The following ZSWIM9 variants were observed in gnomAD, a reference collection of about 807,000 sequenced individuals.
The protein encoded by ZSWIM9 is zinc finger SWIM-type containing 9, also known as uncharacterized protein ZSWIM9.
Under a neutral mutation model 25.0 loss-of-function variants are expected in ZSWIM9, and 11 were observed. The observed-to-expected ratio is 0.44, with a 90% CI of 0.28 to 0.73. The LOEUF is 0.73. ZSWIM9 is among the 30% of genes least tolerant of loss of function. ZSWIM9 has a pLI of 0.16. For missense variants in ZSWIM9, 1,070 were observed against 1,296.5 expected (o/e 0.83, Z 2.68); for synonymous variants, 562 against 582.1 (o/e 0.97, Z 0.50).
At position 48,182,620 on chromosome 19, in the gene ZSWIM9, G is replaced by A. The variant is rs16981771; in HGVS notation, c.441G>A (p.Pro147=). 201,084 of 1,535,666 alleles carry A rather than the reference G, an allele frequency of 0.13. 14,700 individuals carry two copies. Among genetic ancestry groups the A allele is most frequent in the African/African-American group, 0.31 (22,913 of 73,064 alleles). ...PGHLLANACL[P]VRTTNKISKQ... ...ACCTGCTGGCCAACGCCTGCCTGCC[G>A]GTGCGCACCACCAACAAGATCTCCA... Residue 147 remains proline (P), a synonymous_variant, in exon 3 of 4, where the codon CCG becomes CCA. Coordinates refer to ENST00000614654, the MANE Select transcript of ZSWIM9 (RefSeq NM_199341.4). The surrounding 1 kb of genome is among the most constrained non-coding windows in gnomAD (Gnocchi z 4.6).
intron 3 of ZSWIM9, among the ~76,000 whole-genome samples, chr19:48,191,541 G>A (rs1438932647): frequency 3.3e-5 from 5 of 151,998 alleles, no homozygotes; most frequent in African/African-American, 9.7e-5. Flanking sequence ...TTTTTCTTTG[G>A]GGCAGTCTGG....
Position 48,196,628 on chromosome 19 carries a change from G to A in ZSWIM9, c.2564G>A (p.Trp855Ter). The part of the protein sequence containing the change: ...ARQHGTRGFH[W>*]TGAGFALKDG... ...CAGCATGGGACCCGGGGTTTCCACTGGACCGGAGCTGGCTTTGCCCTTAAG... is the reference window on the plus strand; with the variant it reads ...CAGCATGGGACCCGGGGTTTCCACTAGACCGGAGCTGGCTTTGCCCTTAAG... Residue 855 changes from tryptophan (W) to a stop codon, truncating the protein, a stop_gained, in exon 4 of 4, where the codon TGG becomes TAG. Coordinates refer to ENST00000614654, the MANE Select transcript of ZSWIM9 (RefSeq NM_199341.4). LOFTEE classifies it high-confidence loss of function. The A allele has an allele frequency of 8.1e-7, 1 of 1,232,580 alleles. No homozygotes were observed. The highest frequency in any genetic ancestry group is 3.2e-5 in the East Asian group (1 of 31,712). The allele number at this position is 1,232,580 out of a possible 1,614,324, so 76.4% of individuals were successfully genotyped here. A position where few individuals can be genotyped will look rare whatever the true frequency, so the allele number is the denominator to read the frequency against.
rs930419837 is a variant in ZSWIM9 at position 48,196,029 on chromosome 19, G to A, written c.1965G>A (p.Gly655=). 1.7e-5 allele frequency: 22 copies of A among 1,267,610 alleles called. No individual in the cohort carries two copies. Among genetic ancestry groups the A allele is most frequent in the South Asian group, 1.6e-4 (5 of 31,770 alleles). The allele number at this position is 1,267,610 out of a possible 1,614,324, so 78.5% of individuals were successfully genotyped here. Residue 655 remains glycine (G), a synonymous_variant, in exon 4 of 4, where the codon GGG becomes GGA. Coordinates refer to ENST00000614654, the MANE Select transcript of ZSWIM9 (RefSeq NM_199341.4). Reference sequence around the variant, plus strand: ...GGCCACAGTCAGAAGTAGAGAAGGGGAGGGGGCTGGAGGTCAGAAACTTGA... The same window carrying A: ...GGCCACAGTCAGAAGTAGAGAAGGGAAGGGGGCTGGAGGTCAGAAACTTGA... ...WKGPQSEVEK[G]RGLEVRNLRG...
At chr19:48,174,208 C>G (rs1235822765) in intron 2 of ZSWIM9, among the ~76,000 whole-genome samples, 1 of 151,992 alleles carries the variant, frequency 6.6e-6, no homozygotes, top group Non-Finnish European at 1.5e-5. Context: ...AACACAGGCT[C>G]TGCCTTTAGG....
At chr19:48,185,165 G>C (rs1361407523) in intron 3 of ZSWIM9, among the ~76,000 whole-genome samples, 2 of 143,244 alleles carry the variant, frequency 1.4e-5, no homozygotes, top group Non-Finnish European at 3.0e-5. Context: ...TTGAGACGGA[G>C]TTTCGCTCTT....
chr19:48,195,590 A>C lies in ZSWIM9; in HGVS notation c.1526A>C (p.Gln509Pro). The change falls in exon 4 of 4, where the codon CAG becomes CCG. Residue 509 changes from glutamine to proline, a missense_variant. This residue lies in a region of ZSWIM9 where 583 missense variants were observed against 624.7 expected (regional missense o/e 0.93). Transcript: ENST00000614654. The surrounding 1 kb of genome is among the most constrained non-coding windows in gnomAD (Gnocchi z 5.8). The part of the protein sequence containing the change: ...ALETRDWGGA[Q>P]FEGEKGRALQ... The stretch of plus-strand genomic sequence containing the variant: ...GAAACCAGAGACTGGGGCGGGGCTC[A>C]GTTCGAAGGTGAGAAGGGGAGGGCA... 7.1e-7 allele frequency: 1 copy of C among 1,416,816 alleles called. No individual in the cohort carries two copies. The highest frequency in any genetic ancestry group is 2.7e-5 in the East Asian group (1 of 36,828). The allele number at this position is 1,416,816 out of a possible 1,614,324, so 87.8% of individuals were successfully genotyped here.
At chr19:48,172,128 G>T (rs1228691486) in intron 2 of ZSWIM9, 51 bp downstream of exon 2, 24 of 1,350,738 alleles carry the variant, frequency 1.8e-5, no homozygotes, top group Non-Finnish European at 2.3e-5. Context: ...AGCACCGGGG[G>T]TGGGTGTGGG....
At position 48,194,237 on chromosome 19, in the gene ZSWIM9, G is replaced by T. The variant is rs146039615; in HGVS notation, c.589-416G>T. On this transcript the variant is annotated intron_variant, in intron 3 of 3. Transcript: ENST00000614654. This position sits in a 1 kb window ranked among gnomAD's most constrained non-coding sequence, Gnocchi z 6.0. Reference sequence around the variant, plus strand: ...TTTCAGACTCAGTGGGTCTGAGGTGGCCCCGAGAAGGTGCATTTCTGTCCA... The same window carrying T: ...TTTCAGACTCAGTGGGTCTGAGGTGTCCCCGAGAAGGTGCATTTCTGTCCA... 3.6e-3 allele frequency among the ~76,000 whole-genome samples: 547 copies of T among 152,248 alleles called. 5 individuals are homozygous for T. Among genetic ancestry groups the T allele is most frequent in the African/African-American group, 0.012 (499 of 41,538 alleles).
chr19:48,183,439 A>C (rs979356286), intron 3 of ZSWIM9, among the ~76,000 whole-genome samples: 4 of 150,528 alleles, frequency 2.7e-5, no homozygotes, highest in African/African-American at 9.8e-5. Flanking sequence ...AATTTATTCT[A>C]ATTAATTGAA....
intron 2 of ZSWIM9, among the ~76,000 whole-genome samples, chr19:48,173,745 T>A (rs1018871652): frequency 1.3e-5 from 2 of 152,130 alleles, no homozygotes; most frequent in Admixed American, 6.5e-5. Context: ...CAAGCAATTC[T>A]CCTGCCTTAG....
intron 2 of ZSWIM9, among the ~76,000 whole-genome samples, chr19:48,175,870 G>A (rs769164192): frequency 3.1e-4 from 47 of 152,100 alleles, no homozygotes; most frequent in Non-Finnish European, 6.2e-4. Context: ...AATACACACC[G>A]GCCGTTGAAA....
intron 2 of ZSWIM9, among the ~76,000 whole-genome samples, chr19:48,178,370 C>T (rs539484953): frequency 1.3e-5 from 2 of 152,146 alleles, no homozygotes; most frequent in African/African-American, 4.8e-5. Context: ...TGGATTTAAG[C>T]ATTTCTCTGG....
intron 3 of ZSWIM9, among the ~76,000 whole-genome samples, chr19:48,187,968 ATAGATAG>A (rs2037051324): frequency 6.6e-6 from 1 of 151,414 alleles, no homozygotes; most frequent in African/African-American, 2.4e-5. Context: ...AGATAGATAG[ATAGATAG>A]ATAGATAGAT....
chr19:48,171,384 A>C, intron 1 of ZSWIM9: 1 of 985,312 alleles, frequency 1.0e-6, no homozygotes, highest in African/African-American at 1.7e-5. Context: ...GAGAGTTAGA[A>C]GTTACTCTTG....
chr19:48,171,431 C>T, intron 1 of ZSWIM9: 3 of 975,402 alleles, frequency 3.1e-6, no homozygotes, highest in Non-Finnish European at 3.7e-6. Context: ...GAGGTTTTAG[C>T]TGGAATTTGA....
chr19:48,186,146 C>T (rs2037008120), intron 3 of ZSWIM9, among the ~76,000 whole-genome samples: 8 of 152,164 alleles, frequency 5.3e-5, no homozygotes. Flanking sequence ...TAGCTAGTGG[C>T]TTCTGGATTG....
intron 2 of ZSWIM9, among the ~76,000 whole-genome samples, chr19:48,179,807 A>T (rs1467133127): frequency 2.0e-5 from 3 of 152,234 alleles, no homozygotes; most frequent in Non-Finnish European, 4.4e-5. Flanking sequence ...CAATTGATGT[A>T]ACAAACTACC....
rs765015255 is a variant in ZSWIM9 at position 48,171,832 on chromosome 19, G to T, written c.30G>T (p.Thr10=). 2 of 1,533,960 alleles carry T rather than the reference G, an allele frequency of 1.3e-6. No homozygotes were observed. The highest frequency in any genetic ancestry group is 1.4e-5 in the African/African-American group (1 of 73,082). Residue 10 remains threonine (T), a synonymous_variant, in exon 2 of 4, where the codon ACG becomes ACT. Coordinates refer to ENST00000614654, the MANE Select transcript of ZSWIM9 (RefSeq NM_199341.4). ...AGCGGCCGGAGCCCCCACCCGGCAC[G>T]GCTGCGGGGCAGGAGGAGCAGGAGC... MERPEPPPG[T]AAGQEEQELR... is the part of the protein sequence containing the mutation.
chr19:48,195,261 C>T lies in ZSWIM9; in HGVS notation c.1197C>T (p.Asp399=). The change falls in exon 4 of 4, where the codon GAC becomes GAT. Residue 399 remains aspartate (D), a synonymous_variant. Transcript: ENST00000614654. The surrounding 1 kb of genome is among the most constrained non-coding windows in gnomAD (Gnocchi z 5.8). The stretch of plus-strand genomic sequence containing the variant: ...TCCGCGCCTTCGAGGCGGCCAGAGA[C>T]CTGGACGCGTGTGCCCTGGTGCGAG... ...VRFRAFEAAR[D]LDACALVRGH... is the part of the protein sequence containing the mutation. 6.5e-7 allele frequency: 1 copy of T among 1,529,990 alleles called. No individual in the cohort carries two copies. Among genetic ancestry groups the T allele is most frequent in the South Asian group, 1.2e-5 (1 of 83,932 alleles). The allele number at this position is 1,529,990 out of a possible 1,614,324, so 94.8% of individuals were successfully genotyped here.
Sources: allele counts gnomAD v4.1 joint callset (sites outside exome capture counted in the v4.1 genomes callset), GRCh38; gene constraint gnomAD v4.1.1; regional missense constraint gnomAD v4.1.1; non-coding constraint Gnocchi (gnomAD v3.1); transcripts MANE v1.5; gene names NCBI Gene and HGNC (gene_info 2026-07-23, HGNC 2026-07-21).